Variants in IL31RA observed in about 807,000 individuals in gnomAD.
IL31RA encodes the protein interleukin-31 receptor subunit alpha.
IL31RA carries 66 observed loss-of-function variants against 83.7 expected under a neutral mutation model. The observed-to-expected ratio is 0.79, with a 90% CI of 0.65 to 0.97. The LOEUF is 0.97. Among genes scored for constraint, IL31RA ranks in the 50% least tolerant of loss-of-function variants. IL31RA has a pLI of 0.00. For synonymous variants in IL31RA, 325 were observed against 329.0 expected (o/e 0.99, Z 0.13); for missense variants, 798 against 919.4 (o/e 0.87, Z 1.71).
intron 12 of IL31RA, among the ~76,000 whole-genome samples, chr5:55,911,079 T>C (rs1026004028): frequency 2.6e-5 from 4 of 152,192 alleles, no homozygotes; most frequent in Non-Finnish European, 5.9e-5. Context: ...GATAAAGACA[T>C]ACCCGGGACT....
In IL31RA at chr5:55,861,854, T is replaced by TC. The variant is rs543283825; in HGVS notation, c.154+2258dup. 3.6e-4 allele frequency among the ~76,000 whole-genome samples: 55 copies of TC among 152,338 alleles called. No homozygotes were observed. In the East Asian group the frequency reaches 8.9e-3, roughly 25 times the overall value. On this transcript the variant is annotated intron_variant, in intron 2 of 14. Transcript: ENST00000652347. The stretch of plus-strand genomic sequence containing the variant: ...CCATTCTTTTCATCTAGAATATCCT[T>TC]CCCTTGGTCCTGCTCAGCCTTGCTC...
At chr5:55,847,757 C>T (rs1430026961), upstream of IL31RA, among the ~76,000 whole-genome samples, 3 of 152,128 alleles carry the variant, frequency 2.0e-5, no homozygotes, top group Non-Finnish European at 4.4e-5. Flanking sequence ...CCAGTTTTTC[C>T]ATTAATGTCC....
upstream of IL31RA, among the ~76,000 whole-genome samples, chr5:55,849,395 C>G (rs1246565680): frequency 6.6e-6 from 1 of 152,048 alleles, no homozygotes. Context: ...CTTTCCTAAC[C>G]CCATTCTTTC....
intron 1 of IL31RA, among the ~76,000 whole-genome samples, chr5:55,857,618 T>TGG (rs1745437300): frequency 6.6e-6 from 1 of 152,228 alleles, no homozygotes; most frequent in African/African-American, 2.4e-5. Flanking sequence ...ATGAGACTAC[T>TGG]ATCCAGGCTT....
chr5:55,840,760 T>C, the IL31RA span, among the ~76,000 whole-genome samples: 13 of 152,252 alleles, frequency 8.5e-5, no homozygotes, highest in South Asian at 2.1e-4. Context: ...GTGTATTCCT[T>C]TGGGCAGCTG....
Position 55,921,007 on chromosome 5 carries a change from C to T in IL31RA, c.*3887C>T, listed in dbSNP as rs1045232846. 6.6e-6 allele frequency among the ~76,000 whole-genome samples: 1 copy of T among 152,062 alleles called. No individual in the cohort carries two copies. The highest frequency in any genetic ancestry group is 1.5e-5 in the Non-Finnish European group (1 of 68,018). ...CAATGCTGGAAATTATCTTATAATGCGCAGAACAGCCCTCACAACAAAGAA... is the reference window on the plus strand; with the variant it reads ...CAATGCTGGAAATTATCTTATAATGTGCAGAACAGCCCTCACAACAAAGAA... On this transcript the variant is annotated 3_prime_UTR_variant, in exon 15 of 15. Coordinates refer to ENST00000652347, the MANE Select transcript of IL31RA (RefSeq NM_139017.7).
chr5:55,839,963 AG>A, the IL31RA span: 1 of 637,420 alleles, frequency 1.6e-6, no homozygotes. Context: ...CGGCCAAGCA[AG>A]ACCAGGGCAA....
intron 13 of IL31RA, among the ~76,000 whole-genome samples, chr5:55,914,220 A>AGAG (rs1749659403): frequency 6.6e-6 from 1 of 152,216 alleles, no homozygotes; most frequent in Non-Finnish European, 1.5e-5. Flanking sequence ...AAGCAGCTGC[A>AGAG]CTTAGTTAAT....
upstream of IL31RA, among the ~76,000 whole-genome samples, chr5:55,846,807 T>C (rs1744938448): frequency 6.6e-6 from 1 of 151,464 alleles, no homozygotes; most frequent in African/African-American, 2.4e-5. Context: ...AAAGAATCTA[T>C]ATTTTATGAT....
intron 6 of IL31RA, among the ~76,000 whole-genome samples, chr5:55,892,751 A>G (rs952989345): frequency 2.0e-5 from 3 of 152,208 alleles, no homozygotes; most frequent in African/African-American, 7.2e-5. Context: ...ATCACAGACC[A>G]GCCAGTCCCT....
chr5:55,908,934 A>G, intron 11 of IL31RA: 2 of 1,139,558 alleles, frequency 1.8e-6, no homozygotes, highest in Non-Finnish European at 2.2e-6. Flanking sequence ...GAAAGTGTAC[A>G]ATTTAGTGGC....
intron 6 of IL31RA, among the ~76,000 whole-genome samples, chr5:55,890,423 G>A (rs748002298): frequency 6.6e-6 from 1 of 152,200 alleles, no homozygotes; most frequent in Non-Finnish European, 1.5e-5. Flanking sequence ...AGGATGGAGT[G>A]CAGTGATGTG....
chr5:55,891,608 C>T (rs2112479418), intron 6 of IL31RA, among the ~76,000 whole-genome samples: 1 of 152,190 alleles, frequency 6.6e-6, no homozygotes, highest in South Asian at 2.1e-4. Flanking sequence ...ACCTCTCTGC[C>T]TCCCTCTTAT....
At chr5:55,884,714 A>G (rs149090862) in intron 5 of IL31RA, among the ~76,000 whole-genome samples, 64 of 152,322 alleles carry the variant, frequency 4.2e-4, no homozygotes, top group African/African-American at 1.4e-3. Context: ...AGCCATCATG[A>G]GCAGACACAT....
At chr5:55,914,394 C>A (rs925100499) in intron 13 of IL31RA, among the ~76,000 whole-genome samples, 65 of 152,132 alleles carry the variant, frequency 4.3e-4, no homozygotes, top group African/African-American at 1.5e-3. Flanking sequence ...GGGTAAAGCC[C>A]CAAAATGTTC....
At chr5:55,877,186 A>G (rs1415244264) in intron 4 of IL31RA, among the ~76,000 whole-genome samples, 2 of 152,170 alleles carry the variant, frequency 1.3e-5, no homozygotes, top group African/African-American at 4.8e-5. Flanking sequence ...AGTTATAACA[A>G]TCTAATTTGA....
chr5:55,847,322 C>T (rs1175643148), upstream of IL31RA, among the ~76,000 whole-genome samples: 2 of 147,010 alleles, frequency 1.4e-5, no homozygotes, highest in African/African-American at 5.0e-5. Context: ...GGGCTGGGCG[C>T]AGTGGCTCAC....
chr5:55,871,077 C>T (rs1580675360), intron 3 of IL31RA, among the ~76,000 whole-genome samples: 2 of 152,182 alleles, frequency 1.3e-5, no homozygotes, highest in African/African-American at 4.8e-5. Flanking sequence ...CCTCATAACC[C>T]TATGCTACAG....
chr5:55,897,266 A>C (rs1328502453), intron 7 of IL31RA, among the ~76,000 whole-genome samples: 5 of 151,108 alleles, frequency 3.3e-5, no homozygotes, highest in Non-Finnish European at 7.4e-5. Context: ...CCCAAATCTC[A>C]CATTGGTTGG....
Sources: allele counts gnomAD v4.1 joint callset (sites outside exome capture counted in the v4.1 genomes callset), GRCh38; gene constraint gnomAD v4.1.1; transcripts MANE v1.5; gene names NCBI Gene and HGNC (gene_info 2026-07-23, HGNC 2026-07-21).